SMU1: variants seen among roughly 807,000 people sequenced by gnomAD.
The protein encoded by SMU1 is SMU1 DNA replication regulator and spliceosomal factor.
In SMU1, 2 loss-of-function variants were observed where a neutral mutation model predicts 62.0. The ratio of observed to expected loss-of-function variants is 0.03; its 90% confidence interval spans 0.01 to 0.10. The LOEUF (loss-of-function observed/expected upper bound fraction) is 0.10. Among genes scored for constraint, SMU1 ranks in the 10% least tolerant of loss-of-function variants. The probability of loss-of-function intolerance (pLI) is 1.00; values close to 1 mark genes in which losing one functional copy is unlikely to be tolerated. For missense variants in SMU1, 227 were observed against 622.1 expected (o/e 0.36, Z 6.76); for synonymous variants, 188 against 212.4 (o/e 0.89, Z 1.00).
rs1839455929 is a variant in SMU1, at chr9:33,068,911, T to C, written c.414A>G (p.Lys138=). Residue 138 remains lysine, a synonymous_variant, in exon 4 of 12, where the codon AAA becomes AAG. Coordinates refer to ENST00000397149, the MANE Select transcript of SMU1 (RefSeq NM_018225.3). ...GGGCAATTGCTGCTCTTCTCTTTTC[T>C]TTGCTACTTCCATCTGGGTATGCCT... ...PREAYPDGSS[K]EKRRAAIAQA... is the part of the protein sequence containing the mutation. 6.2e-7 allele frequency: 1 copy of C among 1,614,004 alleles called. No individual in the cohort carries two copies. The highest frequency in any genetic ancestry group is 1.7e-5 in the Admixed American group (1 of 59,992).
intron 9 of SMU1, among the ~76,000 whole-genome samples, chr9:33,054,707 TGCCTTCCATGGA>T (rs1839286030): frequency 6.6e-6 from 1 of 152,218 alleles, no homozygotes; most frequent in Non-Finnish European, 1.5e-5. Context: ...GTTTCCTCTG[TGCCTTCCATGGA>T]GCTTAGCAGA....
At chr9:33,067,562 A>G (rs573137900) in intron 4 of SMU1, among the ~76,000 whole-genome samples, 113 of 147,572 alleles carry the variant, frequency 7.7e-4, no homozygotes, top group African/African-American at 2.7e-3. Context: ...GCAATGGCTC[A>G]ATCTCGGCTC....
intron 2 of SMU1, among the ~76,000 whole-genome samples, chr9:33,072,846 A>AC: frequency 6.6e-6 from 1 of 151,876 alleles, no homozygotes; most frequent in Admixed American, 6.6e-5. Flanking sequence ...AAACAAAAAA[A>AC]AAAACCCGTA....
chr9:33,053,716 C>T (rs1839274086), intron 9 of SMU1, among the ~76,000 whole-genome samples: 1 of 152,038 alleles, frequency 6.6e-6, no homozygotes, highest in African/African-American at 2.4e-5. Context: ...GTGGAATTTT[C>T]TTTTTTTTCC....
intron 1 of SMU1, among the ~76,000 whole-genome samples, chr9:33,074,936 C>T (rs1446480331): frequency 6.6e-6 from 1 of 152,052 alleles, no homozygotes; most frequent in Non-Finnish European, 1.5e-5. Flanking sequence ...ACCACACTGG[C>T]TAATTGTTGT....
rs1839145323 is a variant in SMU1, at chr9:33,043,257, G to A, written c.*4036C>T. 6.6e-6 allele frequency: 1 copy of A among 152,222 alleles called. No homozygotes were observed. Among genetic ancestry groups the A allele is most frequent in the Non-Finnish European group, 1.5e-5 (1 of 68,036 alleles). The allele number at this position is 152,222 out of a possible 1,614,324, so 9.4% of individuals were successfully genotyped here. A position where few individuals can be genotyped will look rare whatever the true frequency, so the allele number is the denominator to read the frequency against. On this transcript the variant is annotated 3_prime_UTR_variant, in exon 12 of 12. Coordinates refer to ENST00000397149, the MANE Select transcript of SMU1 (RefSeq NM_018225.3). ...AAAAGCACAGTGAATGAGAACACTA[G>A]CAAGCTATGGCAATTTGAAAAAATG...
At position 33,063,211 on chromosome 9, in the gene SMU1, A is replaced by C. The variant is rs373749507; in HGVS notation, c.502-1034T>G. Among the ~76,000 whole-genome samples the C allele has an allele frequency of 1.1e-3, 171 of 152,250 alleles. 1 individual carries two copies. The highest frequency in any genetic ancestry group is 4.0e-3 in the African/African-American group (165 of 41,548). ...ACCCCATCTCTACTAAAATTACAAA[A>C]ATTAGCCAGGCGTGGTGGTGCATGC... On this transcript the variant is annotated intron_variant, in intron 4 of 11. Transcript: ENST00000397149.
chr9:33,047,463 T>C, intron 11 of SMU1, 72 bp from the exon 12 acceptor site: 7 of 1,267,574 alleles, frequency 5.5e-6, no homozygotes, highest in South Asian at 1.3e-5. Context: ...CTTCCAGAGG[T>C]GGGTGGAAGG....
chr9:33,064,806 G>C (rs1055336653), intron 4 of SMU1, among the ~76,000 whole-genome samples: 6 of 151,298 alleles, frequency 4.0e-5, no homozygotes, highest in African/African-American at 1.5e-4. Flanking sequence ...GCAGTGGCGC[G>C]ATCTTGGCTC....
At chr9:33,053,842 A>C (rs1239970433) in intron 9 of SMU1, among the ~76,000 whole-genome samples, 1 of 152,254 alleles carries the variant, frequency 6.6e-6, no homozygotes, top group Non-Finnish European at 1.5e-5. Context: ...CCAAAGTCAC[A>C]AACTAAAACT....
chr9:33,050,378 TA>T (rs1343172953), intron 10 of SMU1, among the ~76,000 whole-genome samples: 5 of 152,214 alleles, frequency 3.3e-5, no homozygotes, highest in African/African-American at 1.2e-4. Context: ...TCACACTACT[TA>T]GCATTTACCC....
rs554304101 is a variant in SMU1 at position 33,073,824 on chromosome 9, G to A, written c.27-18C>T. 108 of 1,610,818 alleles carry A rather than the reference G, an allele frequency of 6.7e-5. No homozygotes were observed. In the South Asian group the frequency reaches 1.0e-3, roughly 15 times the overall value. On this transcript the variant is annotated intron_variant, in intron 1 of 11. Transcript: ENST00000397149. ...GGATCACACTGAAAGAAAACAAATCGTTCAGCTCAGGGATTCTCACTCACC... is the reference window on the plus strand; with the variant it reads ...GGATCACACTGAAAGAAAACAAATCATTCAGCTCAGGGATTCTCACTCACC...
At chr9:33,075,391 G>T (rs62542146) in intron 1 of SMU1, among the ~76,000 whole-genome samples, 1 of 151,980 alleles carries the variant, frequency 6.6e-6, no homozygotes, top group Non-Finnish European at 1.5e-5. Context: ...AAAAAAAAGG[G>T]AACTGATTGC....
At chr9:33,047,701 T>C (rs1343603165) in intron 11 of SMU1, among the ~76,000 whole-genome samples, 2 of 151,786 alleles carry the variant, frequency 1.3e-5, no homozygotes, top group Non-Finnish European at 2.9e-5. Flanking sequence ...CCACTAAAGA[T>C]ACAAAAAATT....
intron 4 of SMU1, among the ~76,000 whole-genome samples, chr9:33,067,491 GCTTA>G (rs1032951091): frequency 2.7e-5 from 4 of 149,248 alleles, no homozygotes; most frequent in South Asian, 2.1e-4. Context: ...TCAAAAAGCA[GCTTA>G]CTTTTTTTTT....
In SMU1 at chr9:33,044,798, C is replaced by G. The variant is rs1839166125; in HGVS notation, c.*2495G>C. ...ACTTAACGGCTCCTAATCCAGCTCT[C>G]TTTGCCTGGTCTCCCAAGACACCTA... is the stretch of plus-strand genomic sequence containing the variant. On this transcript the variant is annotated 3_prime_UTR_variant, in exon 12 of 12. Transcript: ENST00000397149. 1 of 152,182 alleles carries G rather than the reference C, an allele frequency of 6.6e-6. No individual in the cohort carries two copies. Among genetic ancestry groups the G allele is most frequent in the African/African-American group, 2.4e-5 (1 of 41,442 alleles). 9.4% of individuals were successfully genotyped at this position (152,182 alleles called of 1,614,324 possible).
intron 9 of SMU1, among the ~76,000 whole-genome samples, chr9:33,055,269 T>G (rs993631464): frequency 1.3e-5 from 2 of 152,164 alleles, no homozygotes; most frequent in African/African-American, 4.8e-5. Context: ...CTCAAACTCC[T>G]GGGTTCGAGT....
intron 8 of SMU1, 78 bp downstream of exon 8, chr9:33,056,759 T>A (rs1839308716): frequency 2.0e-6 from 3 of 1,471,544 alleles, no homozygotes; most frequent in Non-Finnish European, 2.8e-6. Flanking sequence ...GGTAAAAGCG[T>A]AAGGAATCAC....
chr9:33,061,005 G>A (rs1288793196), intron 5 of SMU1, among the ~76,000 whole-genome samples: 1 of 152,162 alleles, frequency 6.6e-6, no homozygotes, highest in Non-Finnish European at 1.5e-5. Context: ...CAAACTAAAT[G>A]TATGTTTCCC....
Sources: allele counts gnomAD v4.1 joint callset (sites outside exome capture counted in the v4.1 genomes callset), GRCh38; gene constraint gnomAD v4.1.1; transcripts MANE v1.5; gene names NCBI Gene and HGNC (gene_info 2026-07-23, HGNC 2026-07-21).